Variants in KCNJ15 observed in about 807,000 individuals in gnomAD.
KCNJ15 encodes ATP-sensitive inward rectifier potassium channel 15.
In KCNJ15, 14 loss-of-function variants were observed where a neutral mutation model predicts 23.0. The ratio of observed to expected loss-of-function variants is 0.61; its 90% confidence interval spans 0.40 to 0.95. KCNJ15 has a LOEUF of 0.95. Among genes scored for constraint, KCNJ15 ranks in the 40% least tolerant of loss-of-function variants. KCNJ15 has a pLI of 0.00. For synonymous variants in KCNJ15, 185 were observed against 183.2 expected, an observed-to-expected ratio of 1.01 and a Z score of -0.08; for missense variants, 388 against 461.8, an observed-to-expected ratio of 0.84 and a Z score of 1.46.
intron 1 of KCNJ15, among the ~76,000 whole-genome samples, chr21:38,265,989 G>A (rs1170368150): frequency 6.6e-6 from 1 of 152,178 alleles, no homozygotes; most frequent in African/African-American, 2.4e-5. Flanking sequence ...CCAGCAGGAG[G>A]GTGCGGGAGG....
intron 1 of KCNJ15, among the ~76,000 whole-genome samples, chr21:38,240,517 A>T (rs1235389419): frequency 6.6e-6 from 1 of 152,212 alleles, no homozygotes; most frequent in African/African-American, 2.4e-5. Context: ...TTCCTTTCAG[A>T]GGTGGATGGA....
rs138664697 is a variant in KCNJ15, at chr21:38,265,896, A to C, written c.-117+8711A>C. On this transcript the variant is annotated intron_variant, in intron 1 of 2. Coordinates refer to ENST00000398938, the MANE Select transcript of KCNJ15 (RefSeq NM_170736.3). ...GGATGACTGTAAGAGGCACTGGGAC[A>C]TTTGAGATGTGCCTTGCAGAACAAG... Among the ~76,000 whole-genome samples, 53 of 152,342 alleles carry C rather than the reference A, an allele frequency of 3.5e-4. 1 individual carries two copies. Among genetic ancestry groups the C allele is most frequent in the African/African-American group, 1.3e-3 (52 of 41,584 alleles).
chr21:38,266,470 A>AT (rs369914248), intron 1 of KCNJ15, among the ~76,000 whole-genome samples: 10 of 152,008 alleles, frequency 6.6e-5, no homozygotes, highest in African/African-American at 1.4e-4. Flanking sequence ...ACATGAACTT[A>AT]TTTTTTTTAT....
intron 1 of KCNJ15, among the ~76,000 whole-genome samples, chr21:38,281,151 C>G (rs1204663016): frequency 6.6e-6 from 1 of 152,144 alleles, no homozygotes; most frequent in African/African-American, 2.4e-5. Context: ...CAAGTTTAAT[C>G]AGTATTGGTG....
At position 38,286,043 on chromosome 21, in the gene KCNJ15, A is replaced by C. The variant is rs142286246; in HGVS notation, c.-116-10883A>C. 7.7e-3 allele frequency among the ~76,000 whole-genome samples: 1,179 copies of C among 152,256 alleles called. 17 individuals are homozygous for C. Among genetic ancestry groups the C allele is most frequent in the African/African-American group, 0.026 (1,101 of 41,548 alleles). ...CGGATCACGAGGTCAGGAGATTGAG[A>C]CCATCCTGGCTAACACGGTGAAACC... On this transcript the variant is annotated intron_variant, in intron 1 of 2. Coordinates refer to ENST00000398938, the MANE Select transcript of KCNJ15 (RefSeq NM_170736.3).
At chr21:38,279,918 A>G (rs966764008) in intron 1 of KCNJ15, among the ~76,000 whole-genome samples, 1 of 152,176 alleles carries the variant, frequency 6.6e-6, no homozygotes, top group East Asian at 1.9e-4. Flanking sequence ...CCCACTCTCA[A>G]TTTTACTTCC....
intron 1 of KCNJ15, among the ~76,000 whole-genome samples, chr21:38,292,935 C>T (rs1456269881): frequency 6.7e-6 from 1 of 148,350 alleles, no homozygotes; most frequent in African/African-American, 2.5e-5. Context: ...TGCCACTGCA[C>T]TCCAGCCTGC....
chr21:38,294,534 C>T (rs1450618548), intron 1 of KCNJ15, among the ~76,000 whole-genome samples: 4 of 152,102 alleles, frequency 2.6e-5, no homozygotes, highest in South Asian at 2.1e-4. Flanking sequence ...CACTGTGAAA[C>T]GCAGAATGAA....
chr21:38,231,097 A>G (rs1190382138), intron 1 of KCNJ15, among the ~76,000 whole-genome samples: 2 of 152,058 alleles, frequency 1.3e-5, no homozygotes, highest in Non-Finnish European at 2.9e-5. Context: ...ATTTCTTTCA[A>G]CAACGTTTTG....
In KCNJ15 at chr21:38,288,026, CTTTGTTTTT is replaced by C. The variant is rs1334776475; in HGVS notation, c.-116-8896_-116-8888del. Among the ~76,000 whole-genome samples the C allele has an allele frequency of 9.2e-4, 72 of 78,202 alleles. 14 individuals carry two copies. The highest frequency in any genetic ancestry group is 6.6e-3 in the South Asian group (13 of 1,984). The allele number at this position is 78,202 out of a possible 152,430, so 51.3% of individuals were successfully genotyped here. ...CCATTGTTAAATAACTTGTTTTTTT[CTTTGTTTTT>C]TTTTTTTTTTTTTTTTTTTTTTTGA... is the stretch of plus-strand genomic sequence containing the variant. On this transcript the variant is annotated intron_variant, in intron 1 of 2. Transcript: ENST00000398938.
upstream of KCNJ15, among the ~76,000 whole-genome samples, chr21:38,255,010 G>T (rs2123590329): frequency 6.6e-6 from 1 of 152,302 alleles, no homozygotes; most frequent in African/African-American, 2.4e-5. Flanking sequence ...TGATGTGCCA[G>T]ATATTGCTGG....
intron 1 of KCNJ15, among the ~76,000 whole-genome samples, chr21:38,261,899 C>A (rs1980941038): frequency 1.3e-5 from 2 of 152,186 alleles, no homozygotes. Context: ...GAGAAGCCTT[C>A]CTCTTTTTTC....
intron 1 of KCNJ15, among the ~76,000 whole-genome samples, chr21:38,239,381 C>T (rs892495246): frequency 9.2e-5 from 14 of 152,198 alleles, no homozygotes; most frequent in Non-Finnish European, 1.6e-4. Flanking sequence ...GACCCCACCT[C>T]CCCAAAAACT....
intron 1 of KCNJ15, among the ~76,000 whole-genome samples, chr21:38,241,796 G>A (rs193144928): frequency 6.6e-5 from 10 of 151,918 alleles, no homozygotes; most frequent in East Asian, 3.9e-4. Flanking sequence ...GTGAAACCCC[G>A]TCTCTACTAA....
At chr21:38,262,539 T>C (rs1424453405) in intron 1 of KCNJ15, among the ~76,000 whole-genome samples, 1 of 152,208 alleles carries the variant, frequency 6.6e-6, no homozygotes, top group Non-Finnish European at 1.5e-5. Flanking sequence ...ACAATGGTAC[T>C]GTATTTTGAA....
intron 1 of KCNJ15, among the ~76,000 whole-genome samples, chr21:38,236,868 G>A (rs1054402798): frequency 1.3e-5 from 2 of 152,202 alleles, no homozygotes; most frequent in African/African-American, 2.4e-5. Flanking sequence ...TAAGCCTTAT[G>A]TTTGGGATTA....
intron 1 of KCNJ15, among the ~76,000 whole-genome samples, chr21:38,286,044 C>A (rs545640194): frequency 6.6e-6 from 1 of 152,168 alleles, no homozygotes; most frequent in Non-Finnish European, 1.5e-5. Context: ...GAGATTGAGA[C>A]CATCCTGGCT....
In KCNJ15 at chr21:38,299,299, T is replaced by C. The variant is rs1324942193; in HGVS notation, c.38T>C (p.Leu13Pro). Residue 13 changes from leucine to proline, a missense_variant, in exon 3 of 3, where the codon CTG becomes CCG. Coordinates refer to ENST00000398938, the MANE Select transcript of KCNJ15 (RefSeq NM_170736.3). This position sits in a 1 kb window ranked among gnomAD's most constrained non-coding sequence, Gnocchi z 4.5. ...AIHIGMSSTP[L>P]VKHTAGAGLK... ...CACATCGGCATGTCCAGCACCCCCC[T>C]GGTGAAGCACACTGCTGGGGCTGGG... 6.2e-7 allele frequency: 1 copy of C among 1,614,054 alleles called. No homozygotes were observed. Among genetic ancestry groups the C allele is most frequent in the Non-Finnish European group, 8.5e-7 (1 of 1,179,940 alleles).
At chr21:38,282,211 A>G (rs1403039030) in intron 1 of KCNJ15, among the ~76,000 whole-genome samples, 2 of 152,156 alleles carry the variant, frequency 1.3e-5, no homozygotes, top group East Asian at 3.9e-4. Flanking sequence ...AGTGGAAGCT[A>G]CAATTGAATA....
Sources: gnomAD v4.1 joint callset for allele counts (sites outside exome capture counted in the v4.1 genomes callset) on GRCh38, gnomAD v4.1.1 for gene constraint, Gnocchi (gnomAD v3.1) non-coding constraint, MANE v1.5 for transcripts, NCBI Gene and HGNC (gene_info 2026-07-23, HGNC 2026-07-21) for gene names.